Variants in GPR158 observed in about 807,000 individuals in gnomAD.
GPR158 encodes G protein-coupled receptor 158.
Under a neutral mutation model 78.2 loss-of-function variants are expected in GPR158, and 30 were observed. The ratio of observed to expected loss-of-function variants is 0.38; its 90% CI spans 0.29 to 0.52. The LOEUF (loss-of-function observed/expected upper bound fraction) is 0.52, where lower values mean the gene tolerates loss of function less well. GPR158 is among the 20% of genes least tolerant of loss of function. GPR158 has a pLI of 0.83. For synonymous variants in GPR158, 581 were observed against 591.1 expected (o/e 0.98, Z 0.25); for missense variants, 1,463 against 1,523.5 (o/e 0.96, Z 0.66).
intron 3 of GPR158, among the ~76,000 whole-genome samples, chr10:25,405,451 G>A (rs1476511382): frequency 8.0e-6 from 1 of 124,608 alleles, no homozygotes; most frequent in African/African-American, 2.9e-5. Context: ...ACAATATTCT[G>A]TAATTATTAG....
intron 8 of GPR158, 58 bp downstream of exon 8, chr10:25,589,203 TA>T (rs752309216): frequency 2.0e-4 from 255 of 1,250,542 alleles, no homozygotes; most frequent in Non-Finnish European, 2.8e-4. Flanking sequence ...TGTTGCTGTT[TA>T]AATAACAAAA....
chr10:25,340,019 C>G (rs1237496038), intron 2 of GPR158, among the ~76,000 whole-genome samples: 1 of 151,966 alleles, frequency 6.6e-6, no homozygotes, highest in Non-Finnish European at 1.5e-5. Context: ...CAAGTTTTGC[C>G]TGCCTTAGTG....
intron 2 of GPR158, among the ~76,000 whole-genome samples, chr10:25,283,164 A>G (rs1337576300): frequency 6.6e-6 from 1 of 152,058 alleles, no homozygotes; most frequent in East Asian, 1.9e-4. Context: ...AAGATTTTAA[A>G]CTACAAATTC....
intron 2 of GPR158, among the ~76,000 whole-genome samples, chr10:25,287,688 G>C (rs1854372414): frequency 6.6e-6 from 1 of 152,022 alleles, no homozygotes; most frequent in African/African-American, 2.4e-5. Context: ...CATATATCTT[G>C]TCTGTCCTTG....
intron 7 of GPR158, among the ~76,000 whole-genome samples, chr10:25,576,343 C>CAA (rs981291236): frequency 6.6e-6 from 1 of 152,152 alleles, no homozygotes; most frequent in Non-Finnish European, 1.5e-5. Flanking sequence ...TTTCTGATCA[C>CAA]AACCCATTCC....
intron 4 of GPR158, among the ~76,000 whole-genome samples, chr10:25,429,812 C>A (rs566803480): frequency 7.0e-5 from 10 of 142,868 alleles, no homozygotes; most frequent in Non-Finnish European, 1.4e-4. Flanking sequence ...ATTCAACAAC[C>A]GTTCATGCTA....
chr10:25,215,936 GAATCTACA>G (rs1213965235), intron 1 of GPR158, among the ~76,000 whole-genome samples: 2 of 152,180 alleles, frequency 1.3e-5, no homozygotes, highest in African/African-American at 4.8e-5. Context: ...TTTCTCAGCT[GAATCTACA>G]AATTCACTTG....
chr10:25,191,312 G>A (rs775250459), intron 1 of GPR158, among the ~76,000 whole-genome samples: 5 of 152,170 alleles, frequency 3.3e-5, no homozygotes, highest in Non-Finnish European at 5.9e-5. Context: ...ATTAGCTATG[G>A]CTGCAGCGAA....
At chr10:25,255,920 A>G (rs1053806721) in intron 2 of GPR158, among the ~76,000 whole-genome samples, 1 of 152,194 alleles carries the variant, frequency 6.6e-6, no homozygotes. Flanking sequence ...ATGGGAGGGG[A>G]TGATAAATGG....
chr10:25,334,133 G>T (rs935930527), intron 2 of GPR158, among the ~76,000 whole-genome samples: 1 of 152,012 alleles, frequency 6.6e-6, no homozygotes, highest in South Asian at 2.1e-4. Flanking sequence ...TGTATAAAAA[G>T]TTAAAATGGA....
chr10:25,466,788 A>T, intron 5 of GPR158, 69 bp downstream of exon 5: 1 of 508,034 alleles, frequency 2.0e-6, no homozygotes, highest in Non-Finnish European at 3.3e-6. Context: ...GTTACTGTTT[A>T]CACACACACA....
chr10:25,463,007 T>C (rs527558876), intron 4 of GPR158, among the ~76,000 whole-genome samples: 3 of 152,226 alleles, frequency 2.0e-5, no homozygotes, highest in Non-Finnish European at 4.4e-5. Flanking sequence ...CAAAGAAATC[T>C]CTCATGAAAG....
intron 4 of GPR158, among the ~76,000 whole-genome samples, chr10:25,419,424 T>C (rs1195590293): frequency 6.6e-6 from 1 of 152,210 alleles, no homozygotes; most frequent in Non-Finnish European, 1.5e-5. Context: ...TGTTTCTACT[T>C]TTTGGCTATT....
chr10:25,558,511 T>C (rs1836816959), intron 6 of GPR158, among the ~76,000 whole-genome samples: 1 of 152,194 alleles, frequency 6.6e-6, no homozygotes, highest in South Asian at 2.1e-4. Flanking sequence ...AGCTGTTCAC[T>C]GGCATCACCT....
chr10:25,193,260 G>A (rs1421997948), intron 1 of GPR158, among the ~76,000 whole-genome samples: 2 of 152,080 alleles, frequency 1.3e-5, no homozygotes, highest in Non-Finnish European at 2.9e-5. Flanking sequence ...AGTGCTATAA[G>A]GAAAAAAATA....
intron 1 of GPR158, among the ~76,000 whole-genome samples, chr10:25,189,834 ATGTGTGTGTGTGTGTGTGTG>A (rs56205437): frequency 1.7e-5 from 2 of 120,542 alleles, no homozygotes; most frequent in African/African-American, 3.3e-5. Context: ...AAAGGAAAGC[ATGTGTGTGTGTGTGTGTGTG>A]TGTGTGTGTG....
intron 5 of GPR158, among the ~76,000 whole-genome samples, chr10:25,530,040 C>T (rs549779398): frequency 6.6e-6 from 1 of 152,234 alleles, no homozygotes; most frequent in South Asian, 2.1e-4. Context: ...CATCCTCTCC[C>T]CCTTTTGCCT....
At chr10:25,245,617 T>A (rs774105145) in intron 2 of GPR158, among the ~76,000 whole-genome samples, 9 of 152,162 alleles carry the variant, frequency 5.9e-5, no homozygotes, top group Non-Finnish European at 1.3e-4. Flanking sequence ...AAGTTCCTTT[T>A]TAAAAAATCA....
chr10:25,389,288 C>T (rs1355007842), intron 2 of GPR158, among the ~76,000 whole-genome samples: 3 of 152,154 alleles, frequency 2.0e-5, no homozygotes, highest in African/African-American at 7.2e-5. Flanking sequence ...GATGATGGGA[C>T]AACCAACTGC....
Sources: gnomAD v4.1 joint callset for allele counts (sites outside exome capture counted in the v4.1 genomes callset) on GRCh38, gnomAD v4.1.1 for gene constraint, MANE v1.5 for transcripts, NCBI Gene and HGNC (gene_info 2026-07-23, HGNC 2026-07-21) for gene names.